The following TLK1 variants were observed in gnomAD, a reference collection of about 807,000 sequenced individuals.
TLK1 encodes serine/threonine-protein kinase tousled-like 1.
Under a neutral mutation model 105.3 loss-of-function variants are expected in TLK1, and 24 were observed. The ratio of observed to expected loss-of-function variants is 0.23; its 90% CI spans 0.17 to 0.32. TLK1 has a LOEUF of 0.32. Ranked by LOEUF, TLK1 falls within the 10% of genes least tolerant of loss-of-function variation. The pLI is 1.00. For missense variants in TLK1, 558 were observed against 910.5 expected (o/e 0.61, Z 4.98); for synonymous variants, 321 against 310.4 (o/e 1.03, Z -0.36).
intron 1 of TLK1, among the ~76,000 whole-genome samples, chr2:171,118,693 A>T (rs1690533468): frequency 6.6e-6 from 1 of 152,170 alleles, no homozygotes; most frequent in Admixed American, 6.5e-5. Flanking sequence ...TCTAACAAAA[A>T]CCCCAGAAGT....
chr2:171,132,856 C>T (rs1253490285), intron 1 of TLK1, among the ~76,000 whole-genome samples: 2 of 152,186 alleles, frequency 1.3e-5, no homozygotes, highest in Admixed American at 1.3e-4. Flanking sequence ...CAAAGTGAGA[C>T]ACTGTCTCAA....
Position 171,160,334 on chromosome 2 carries a change from C to T in TLK1, c.95G>A (p.Arg32Lys), listed in dbSNP as rs1309825354. Residue 32 changes from arginine (R) to lysine (K), a missense_variant, in exon 1 of 21, where the codon AGG (arginine) becomes AAG (lysine). Coordinates refer to ENST00000431350, the MANE Select transcript of TLK1 (RefSeq NM_012290.5). The surrounding 1 kb of genome is among the most constrained non-coding windows in gnomAD (Gnocchi z 4.4). ...SPTPGSAAAA[R>K]SLLNHTPPSG... ...TGGCGGCGTGTGATTCAGCAGGGAC[C>T]TGGCCGCCGCCGCCGAGCCCGGGGT... 2 of 1,603,164 alleles carry T rather than the reference C, an allele frequency of 1.2e-6. No homozygotes were observed. Among genetic ancestry groups the T allele is most frequent in the East Asian group, 2.3e-5 (1 of 43,106 alleles).
At chr2:171,176,659 T>C (rs898071214) in intron 1 of TLK1, among the ~76,000 whole-genome samples, 1 of 152,168 alleles carries the variant, frequency 6.6e-6, no homozygotes, top group Non-Finnish European at 1.5e-5. Flanking sequence ...GCTACCGTCA[T>C]CTCTTACTGA....
At position 171,160,700 on chromosome 2, in the gene TLK1, C is replaced by T. The variant is rs1692455058; in HGVS notation, c.-272G>A. 2.1e-6 allele frequency: 1 copy of T among 486,382 alleles called. No individual in the cohort carries two copies. 30.1% of individuals were successfully genotyped at this position (486,382 alleles called of 1,614,324 possible). A position where few individuals can be genotyped will look rare whatever the true frequency, so the allele number is the denominator to read the frequency against. On this transcript the variant is annotated 5_prime_UTR_variant, in exon 1 of 21. Coordinates refer to ENST00000431350, the MANE Select transcript of TLK1 (RefSeq NM_012290.5). This position sits in a 1 kb window ranked among gnomAD's most constrained non-coding sequence, Gnocchi z 4.4. ...AGAGGAGAGGAGGAGGAAAGGAGCGCGGCGGCGGAGGCGTCGAGGGGGTGC... is the reference window on the plus strand; with the variant it reads ...AGAGGAGAGGAGGAGGAAAGGAGCGTGGCGGCGGAGGCGTCGAGGGGGTGC...
intron 12 of TLK1, among the ~76,000 whole-genome samples, chr2:171,020,046 A>C (rs1263832738): frequency 1.4e-5 from 2 of 145,970 alleles, no homozygotes; most frequent in East Asian, 4.1e-4. Flanking sequence ...TGGGTGACAG[A>C]GTAAGACTCC....
intron 1 of TLK1, among the ~76,000 whole-genome samples, chr2:171,174,441 T>A (rs1692783800): frequency 6.6e-6 from 1 of 152,232 alleles, no homozygotes; most frequent in Non-Finnish European, 1.5e-5. Flanking sequence ...TTCTCCTTCT[T>A]GTTTTTATCA....
At chr2:171,117,911 A>T in intron 1 of TLK1, 54 bp from the exon 2 acceptor site, 1 of 1,208,154 alleles carries the variant, frequency 8.3e-7, no homozygotes, top group Non-Finnish European at 1.2e-6. Context: ...TATACTTTAT[A>T]CTTACACACA....
intron 11 of TLK1, among the ~76,000 whole-genome samples, chr2:171,038,695 G>C (rs1686497503): frequency 1.3e-5 from 2 of 152,160 alleles, no homozygotes; most frequent in Non-Finnish European, 2.9e-5. Context: ...AAGGGAGAAA[G>C]AATACCACTC....
intron 1 of TLK1, among the ~76,000 whole-genome samples, chr2:171,149,839 G>C (rs1691958563): frequency 6.6e-6 from 1 of 152,110 alleles, no homozygotes. Context: ...CCCAGGAGTT[G>C]GAGGCTGCAG....
chr2:171,047,218 C>G (rs1383412859), intron 10 of TLK1, among the ~76,000 whole-genome samples: 1 of 152,120 alleles, frequency 6.6e-6, no homozygotes, highest in Non-Finnish European at 1.5e-5. Flanking sequence ...GATATTTTAG[C>G]AGTTTGAGCA....
intron 12 of TLK1, among the ~76,000 whole-genome samples, chr2:171,016,300 CCTGG>C (rs1440588929): frequency 6.6e-6 from 1 of 152,076 alleles, no homozygotes; most frequent in African/African-American, 2.4e-5. Flanking sequence ...CGCCACCACA[CCTGG>C]CTATTTTTTT....
chr2:171,135,675 A>AG, intron 1 of TLK1, among the ~76,000 whole-genome samples: 1 of 152,026 alleles, frequency 6.6e-6, no homozygotes, highest in South Asian at 2.1e-4. Flanking sequence ...GGTGGTGGGC[A>AG]CCTGTAATCC....
intron 1 of TLK1, among the ~76,000 whole-genome samples, chr2:171,124,185 T>C (rs1338300337): frequency 1.3e-5 from 2 of 152,254 alleles, no homozygotes; most frequent in South Asian, 4.1e-4. Context: ...TATGTGGGAA[T>C]GACAATCTAA....
intron 3 of TLK1, chr2:171,066,922 A>G (rs1286569029): frequency 6.5e-7 from 1 of 1,546,604 alleles, no homozygotes. Context: ...GGGAAGTAAC[A>G]CTTTCAGATA....
intron 2 of TLK1, among the ~76,000 whole-genome samples, chr2:171,086,082 TG>T (rs1688960156): frequency 1.3e-5 from 2 of 152,236 alleles, no homozygotes; most frequent in South Asian, 4.1e-4. Context: ...AAGATGCATA[TG>T]AAAAAAACCT....
At chr2:171,195,080 C>T (rs1353500789) in intron 1 of TLK1, among the ~76,000 whole-genome samples, 1 of 152,114 alleles carries the variant, frequency 6.6e-6, no homozygotes, top group Non-Finnish European at 1.5e-5. Flanking sequence ...CGTATACTTG[C>T]TGTCAGTAAA....
At chr2:171,179,554 C>T (rs185532894) in intron 1 of TLK1, among the ~76,000 whole-genome samples, 4 of 151,980 alleles carry the variant, frequency 2.6e-5, no homozygotes, top group East Asian at 1.9e-4. Flanking sequence ...AAGGAGTAAG[C>T]GAAGAAGAGA....
intron 1 of TLK1, among the ~76,000 whole-genome samples, chr2:171,124,487 G>C (rs1690788910): frequency 2.0e-5 from 3 of 152,210 alleles, no homozygotes. Context: ...TTCTAAGCCA[G>C]TCAGGATATT....
At chr2:171,022,416 T>C (rs1345353714) in intron 12 of TLK1, among the ~76,000 whole-genome samples, 1 of 150,984 alleles carries the variant, frequency 6.6e-6, no homozygotes, top group Non-Finnish European at 1.5e-5. Flanking sequence ...TCTTGGCACC[T>C]TTCTTGCACA....
Sources: allele counts gnomAD v4.1 joint callset (sites outside exome capture counted in the v4.1 genomes callset), GRCh38; gene constraint gnomAD v4.1.1; non-coding constraint Gnocchi (gnomAD v3.1); transcripts MANE v1.5; gene names NCBI Gene and HGNC (gene_info 2026-07-23, HGNC 2026-07-21).